Variants in AOPEP observed in about 807,000 individuals in gnomAD.
AOPEP encodes aminopeptidase O.
AOPEP carries 77 observed loss-of-function variants against 98.1 expected under a neutral mutation model. The observed-to-expected ratio is 0.78, with a 90% CI of 0.65 to 0.95. AOPEP has a LOEUF of 0.95. Among genes scored for constraint, AOPEP ranks in the 40% least tolerant of loss-of-function variants. AOPEP has a pLI of 0.00. For synonymous variants in AOPEP, 346 were observed against 365.3 expected, an observed-to-expected ratio of 0.95 and a Z score of 0.60; for missense variants, 1,024 against 1,024.7, an observed-to-expected ratio of 1.00 and a Z score of 0.01.
rs961820524 is a variant in AOPEP at position 95,038,726 on chromosome 9, C to T, written c.2116-21968C>T. 1.3e-3 allele frequency among the ~76,000 whole-genome samples: 200 copies of T among 152,288 alleles called. 2 individuals are homozygous for T. Among genetic ancestry groups the T allele is most frequent in the Non-Finnish European group, 4.6e-4 (31 of 68,026 alleles). On this transcript the variant is annotated intron_variant, in intron 13 of 16. Coordinates refer to ENST00000375315, the MANE Select transcript of AOPEP (RefSeq NM_001193329.3). ...TTTCCTGTTCTTTTAATTAGTCTTA[C>T]ATTAAGATTCTTAGAAGTTGTACAT...
chr9:94,926,534 G>A (rs1199515419), intron 6 of AOPEP, among the ~76,000 whole-genome samples: 1 of 152,174 alleles, frequency 6.6e-6, no homozygotes, highest in Non-Finnish European at 1.5e-5. Flanking sequence ...AACATTTCCA[G>A]AGCAAGTCCG....
At chr9:94,799,956 T>C (rs565350116) in intron 4 of AOPEP, among the ~76,000 whole-genome samples, 32 of 152,310 alleles carry the variant, frequency 2.1e-4, no homozygotes, top group African/African-American at 7.7e-4. Flanking sequence ...AATGGAGTAC[T>C]GTTGGATGTA....
chr9:94,848,484 A>G (rs1228615205), intron 5 of AOPEP, among the ~76,000 whole-genome samples: 1 of 147,476 alleles, frequency 6.8e-6, no homozygotes, highest in East Asian at 2.0e-4. Flanking sequence ...TTAGCCAGGC[A>G]TGGTGGTGCA....
At chr9:94,957,196 T>G (rs990573564) in intron 9 of AOPEP, among the ~76,000 whole-genome samples, 1 of 152,144 alleles carries the variant, frequency 6.6e-6, no homozygotes, top group Non-Finnish European at 1.5e-5. Flanking sequence ...CTTCGTTTGC[T>G]TCTCTCTTTT....
intron 3 of AOPEP, among the ~76,000 whole-genome samples, chr9:94,779,872 C>T (rs770322074): frequency 3.5e-4 from 53 of 152,246 alleles, no homozygotes; most frequent in Non-Finnish European, 6.3e-4. Context: ...GTTTACACAG[C>T]ATGCTGTGAT....
intron 5 of AOPEP, among the ~76,000 whole-genome samples, chr9:94,832,849 A>G (rs1856292476): frequency 6.8e-6 from 1 of 146,676 alleles, no homozygotes. Flanking sequence ...GGTTACCTAT[A>G]GTAGAAGAAA....
At chr9:95,135,601 G>T in the AOPEP span, 1 of 978,122 alleles carries the variant, frequency 1.0e-6, no homozygotes, top group Non-Finnish European at 1.6e-6. Flanking sequence ...CAATTTGTGA[G>T]ACTTCTCATC....
At chr9:94,906,813 A>G (rs1295668020) in intron 5 of AOPEP, among the ~76,000 whole-genome samples, 7 of 152,288 alleles carry the variant, frequency 4.6e-5, no homozygotes, top group African/African-American at 1.2e-4. Flanking sequence ...CTCTCAGTTA[A>G]TATTTGCTGA....
chr9:94,783,450 A>G (rs2133215333), intron 3 of AOPEP, among the ~76,000 whole-genome samples: 2 of 152,242 alleles, frequency 1.3e-5, no homozygotes, highest in African/African-American at 4.8e-5. Flanking sequence ...GCCAGTTACA[A>G]CCCTTGAGCA....
intron 1 of AOPEP, among the ~76,000 whole-genome samples, chr9:94,749,447 GT>G (rs1200613906): frequency 1.3e-5 from 2 of 152,140 alleles, no homozygotes; most frequent in African/African-American, 4.8e-5. Context: ...CAAGATCTAG[GT>G]GCCAGTTGTG....
intron 5 of AOPEP, among the ~76,000 whole-genome samples, chr9:94,894,594 A>C (rs113137543): frequency 7.2e-5 from 11 of 152,330 alleles, no homozygotes; most frequent in African/African-American, 2.6e-4. Context: ...CACCAGACCC[A>C]CAGAGTTTCT....
At chr9:94,857,253 G>A (rs993838993) in intron 5 of AOPEP, among the ~76,000 whole-genome samples, 1 of 152,066 alleles carries the variant, frequency 6.6e-6, no homozygotes, top group Non-Finnish European at 1.5e-5. Context: ...CATAGAGTTC[G>A]TGTTATGTTC....
chr9:95,134,181 A>C, the AOPEP span, among the ~76,000 whole-genome samples: 1 of 152,216 alleles, frequency 6.6e-6, no homozygotes, highest in Non-Finnish European at 1.5e-5. Context: ...GAAAGGGGCC[A>C]TGAAACAAGG....
At chr9:94,938,608 G>A (rs2056619116) in intron 7 of AOPEP, among the ~76,000 whole-genome samples, 1 of 152,166 alleles carries the variant, frequency 6.6e-6, no homozygotes, top group South Asian at 2.1e-4. Context: ...ATTAACATGA[G>A]AATGGACTTG....
chr9:95,014,335 G>A (rs574018932), intron 13 of AOPEP, among the ~76,000 whole-genome samples: 5 of 152,144 alleles, frequency 3.3e-5, no homozygotes, highest in East Asian at 1.9e-4. Context: ...TTAGCTGGAC[G>A]TGGTGGTACA....
At chr9:94,792,692 C>T (rs903360748) in intron 3 of AOPEP, 73 bp from the exon 4 acceptor site, 4 of 1,360,108 alleles carry the variant, frequency 2.9e-6, no homozygotes, top group South Asian at 2.0e-5. Context: ...TCAAGTGCCT[C>T]GAGAAGAAAT....
intron 5 of AOPEP, among the ~76,000 whole-genome samples, chr9:94,819,278 T>C (rs1852426637): frequency 6.6e-6 from 1 of 152,236 alleles, no homozygotes; most frequent in Admixed American, 6.5e-5. Context: ...CTGAAAGGAC[T>C]GCGTGATGGA....
At chr9:94,753,928 G>A (rs945738507) in intron 1 of AOPEP, among the ~76,000 whole-genome samples, 22 of 152,312 alleles carry the variant, frequency 1.4e-4, no homozygotes, top group East Asian at 3.9e-4. Flanking sequence ...GGAGATGTGC[G>A]TAAGGAGGCT....
intron 5 of AOPEP, among the ~76,000 whole-genome samples, chr9:94,805,751 G>A (rs527959943): frequency 1.2e-4 from 19 of 152,224 alleles, no homozygotes; most frequent in African/African-American, 3.6e-4. Context: ...CGGTATGCAC[G>A]TACATGCCCA....
Sources: allele counts gnomAD v4.1 joint callset (sites outside exome capture counted in the v4.1 genomes callset), GRCh38; gene constraint gnomAD v4.1.1; transcripts MANE v1.5; gene names NCBI Gene and HGNC (gene_info 2026-07-23, HGNC 2026-07-21).